The following SBNO1 variants were observed in gnomAD, a reference collection of about 807,000 sequenced individuals.
SBNO1 encodes strawberry notch homolog 1, also known as protein strawberry notch homolog 1.
A neutral mutation model predicts 173.6 loss-of-function variants in SBNO1; 23 were observed. That is an observed-to-expected ratio of 0.13 (90% CI 0.10 to 0.19). The LOEUF (loss-of-function observed/expected upper bound fraction) is 0.19, where lower values mean the gene tolerates loss of function less well. SBNO1 is among the 10% of genes least tolerant of loss of function. SBNO1 has a pLI of 1.00. For missense variants in SBNO1, 1,238 were observed against 1,671.2 expected, an observed-to-expected ratio of 0.74 and a Z score of 4.52; for synonymous variants, 632 against 571.5, an observed-to-expected ratio of 1.11 and a Z score of -1.51.
rs982748459 is a variant in SBNO1, at chr12:123,291,569, T to A, written c.*4339A>T. On this transcript the variant is annotated 3_prime_UTR_variant, in exon 32 of 32. Transcript: ENST00000602398. ...GCATTGCACACAACACAATAAGACA[T>A]AGTAAAAAACATTAACACAAAACAG... 1.3e-5 allele frequency: 2 copies of A among 148,670 alleles called. No individual in the cohort carries two copies. Among genetic ancestry groups the A allele is most frequent in the Non-Finnish European group, 1.5e-5 (1 of 67,428 alleles). 9.2% of individuals were successfully genotyped at this position (148,670 alleles called of 1,614,324 possible).
At chr12:123,317,965 A>G (rs1232646414) in intron 20 of SBNO1, among the ~76,000 whole-genome samples, 1 of 152,100 alleles carries the variant, frequency 6.6e-6, no homozygotes, top group Non-Finnish European at 1.5e-5. Context: ...ATCTTTTTGT[A>G]TATATATATT....
intron 1 of SBNO1, 36 bp downstream of exon 1, chr12:123,364,665 G>A (rs117135286): frequency 0.089 from 87,792 of 984,414 alleles, 4,194 homozygotes; most frequent in Non-Finnish European, 0.097. Flanking sequence ...GGGAGGGGGA[G>A]TGTGGAAGGA....
intron 15 of SBNO1, 69 bp from the exon 16 acceptor site, chr12:123,323,900 A>T: frequency 1.8e-6 from 2 of 1,126,328 alleles, no homozygotes; most frequent in Non-Finnish European, 2.4e-6. Context: ...GTATTATTAA[A>T]TATATTGAAA....
chr12:123,363,768 AAG>A (rs2139124718), intron 1 of SBNO1: 1 of 779,062 alleles, frequency 1.3e-6, no homozygotes, highest in South Asian at 5.8e-5. Flanking sequence ...CGCACATAAA[AAG>A]AGCTTCTCTG....
At chr12:123,364,665 G>T (rs117135286) in intron 1 of SBNO1, 36 bp downstream of exon 1, 17 of 984,500 alleles carry the variant, frequency 1.7e-5, no homozygotes, top group Non-Finnish European at 2.0e-5. Context: ...GGGAGGGGGA[G>T]TGTGGAAGGA....
intron 1 of SBNO1, among the ~76,000 whole-genome samples, chr12:123,359,937 A>G (rs922821831): frequency 6.6e-6 from 1 of 152,186 alleles, no homozygotes; most frequent in South Asian, 2.1e-4. Flanking sequence ...TGCTAAAGTA[A>G]TTACTCTTAA....
At chr12:123,319,437 T>C (rs1388358218) in intron 20 of SBNO1, among the ~76,000 whole-genome samples, 1 of 152,140 alleles carries the variant, frequency 6.6e-6, no homozygotes, top group African/African-American at 2.4e-5. Flanking sequence ...ATTTGTGTAA[T>C]AGCTCTGTTG....
At position 123,336,506 on chromosome 12, in the gene SBNO1, G is replaced by A. The variant is rs1871858361; in HGVS notation, c.652-15C>T. 2 of 1,560,082 alleles carry A rather than the reference G, an allele frequency of 1.3e-6. No homozygotes were observed. The highest frequency in any genetic ancestry group is 2.3e-5 in the East Asian group (1 of 44,360). On this transcript the variant is annotated splice_polypyrimidine_tract_variant and intron_variant, in intron 5 of 31. Transcript: ENST00000602398. ...ACAGGAACCTTCTGCAACACAGAAA[G>A]AGCACAATCAATCCCAAATCCAGGG...
chr12:123,312,498 G>C (rs920925296), intron 24 of SBNO1, among the ~76,000 whole-genome samples: 1 of 151,958 alleles, frequency 6.6e-6, no homozygotes, highest in Non-Finnish European at 1.5e-5. Flanking sequence ...GATCACATGC[G>C]GCCAGGATTT....
intron 28 of SBNO1, among the ~76,000 whole-genome samples, chr12:123,306,536 C>T (rs563114580): frequency 6.6e-6 from 1 of 152,256 alleles, no homozygotes; most frequent in Admixed American, 6.5e-5. Context: ...CGGTGATATT[C>T]TGGCAATAAT....
Position 123,348,038 on chromosome 12 carries a change from T to A in SBNO1, c.228A>T (p.Leu76Phe). Residue 76 changes from leucine to phenylalanine, a missense_variant, in exon 3 of 32, where the codon TTA becomes TTT. Coordinates refer to ENST00000602398, the MANE Select transcript of SBNO1 (RefSeq NM_001167856.3). ...EPETVPTPAL[L>F]NVRQQPPSTT... ...TCTAAATCATTCTTACCCTCACATT[T>A]AATAGTGCTGGAGTAGGTACAGTCT... 6.3e-7 allele frequency: 1 copy of A among 1,590,796 alleles called. No individual in the cohort carries two copies. The highest frequency in any genetic ancestry group is 8.6e-7 in the Non-Finnish European group (1 of 1,160,056).
chr12:123,325,506 C>A lies in SBNO1; in HGVS notation c.1969G>T (p.Ala657Ser). The A allele has an allele frequency of 6.2e-7, 1 of 1,602,678 alleles. No homozygotes were observed. Among genetic ancestry groups the A allele is most frequent in the Non-Finnish European group, 8.5e-7 (1 of 1,170,164 alleles). Residue 657 changes from alanine (A) to serine (S), a missense_variant, in exon 15 of 32, where the codon GCC (alanine) becomes TCC (serine). Around this residue, in one of 14 missense-constraint regions of SBNO1, gnomAD observed 182 missense variants for 339.9 expected, o/e 0.54. Transcript: ENST00000602398. ...GGELNDFVST[A>S]KGVLQSLIEK... ...TTAAAAGAACAAAAACATTACTTGG[C>A]AGTTGAAACAAAATCATTCAATTCT...
chr12:123,309,469 A>C lies in SBNO1; in HGVS notation c.3537+20T>G. ...GCATCTCATGGGAAGACGATACTTC[A>C]CAACATTTTCTAAACTTACTGTGTA... On this transcript the variant is annotated intron_variant, in intron 27 of 31. Transcript: ENST00000602398. 1 of 1,604,212 alleles carries C rather than the reference A, an allele frequency of 6.2e-7. No homozygotes were observed. The highest frequency in any genetic ancestry group is 2.2e-5 in the East Asian group (1 of 44,812).
At chr12:123,364,489 A>G in intron 1 of SBNO1, 1 of 983,546 alleles carries the variant, frequency 1.0e-6, no homozygotes, top group Non-Finnish European at 1.2e-6. Context: ...CGAACAGAGG[A>G]AGCGAGTACA....
chr12:123,342,166 C>T (rs574263164), intron 4 of SBNO1, among the ~76,000 whole-genome samples: 9 of 151,916 alleles, frequency 5.9e-5, no homozygotes, highest in African/African-American at 1.9e-4. Flanking sequence ...CAGAGAACTG[C>T]TTGAACCCGG....
chr12:123,318,214 C>T (rs1474430059), intron 20 of SBNO1, among the ~76,000 whole-genome samples: 3 of 152,116 alleles, frequency 2.0e-5, no homozygotes, highest in African/African-American at 4.8e-5. Context: ...CCGAGGCAGA[C>T]GGATCATTTG....
At chr12:123,363,459 C>T (rs1875639775) in intron 1 of SBNO1, among the ~76,000 whole-genome samples, 2 of 152,188 alleles carry the variant, frequency 1.3e-5, no homozygotes, top group African/African-American at 4.8e-5. Flanking sequence ...TCTCTGCACC[C>T]TTCTGGATGA....
At position 123,314,062 on chromosome 12, in the gene SBNO1, C is replaced by T. The variant is rs1382078996; in HGVS notation, c.3121-343G>A. ...TGGCGTCATTGTGCTCCAGCCTGGG[C>T]GACAAGAGCAAAAAACTCCCTCTCA... On this transcript the variant is annotated intron_variant, in intron 23 of 31. Transcript: ENST00000602398. Among the ~76,000 whole-genome samples, 10 of 151,906 alleles carry T rather than the reference C, an allele frequency of 6.6e-5. No homozygotes were observed. In the East Asian group the frequency reaches 1.5e-3, roughly 24 times the overall value.
rs141382854 is a variant in SBNO1, at chr12:123,328,734, C to T, written c.1296G>A (p.Val432=). The change falls in exon 10 of 32, where the codon GTG becomes GTA. Residue 432 remains valine, a splice_region_variant and synonymous_variant. Transcript: ENST00000602398. ...LHWCGDDFDG[V]IVFDECHKAK... Reference sequence around the variant, plus strand: ...GAAAAATATTTGCCATAAAGGATACCACTCCATCGAAGTCATCACCGCACC... The same window carrying T: ...GAAAAATATTTGCCATAAAGGATACTACTCCATCGAAGTCATCACCGCACC... 7 of 1,537,602 alleles carry T rather than the reference C, an allele frequency of 4.6e-6. No homozygotes were observed. In the African/African-American group the frequency reaches 6.9e-5, roughly 15 times the overall value.
Sources: gnomAD v4.1 joint callset for allele counts (sites outside exome capture counted in the v4.1 genomes callset) on GRCh38, gnomAD v4.1.1 for gene constraint, gnomAD v4.1.1 regional missense constraint, MANE v1.5 for transcripts, NCBI Gene and HGNC (gene_info 2026-07-23, HGNC 2026-07-21) for gene names.